The following LRRC37A2 variants were observed in gnomAD, a reference collection of about 807,000 sequenced individuals.
LRRC37A2 encodes leucine-rich repeat-containing protein 37A2.
LRRC37A2 carries 9 observed loss-of-function variants against 68.8 expected under a neutral mutation model. The ratio of observed to expected loss-of-function variants is 0.13; its 90% confidence interval spans 0.08 to 0.23. The LOEUF (loss-of-function observed/expected upper bound fraction) is 0.23, where lower values mean the gene tolerates loss of function less well. Ranked by LOEUF, LRRC37A2 falls within the 10% of genes least tolerant of loss-of-function variation. The probability of loss-of-function intolerance (pLI) is 1.00; values close to 1 mark genes in which losing one functional copy is unlikely to be tolerated. For missense variants in LRRC37A2, 168 were observed against 950.4 expected, an observed-to-expected ratio of 0.18 and a Z score of 10.82; for synonymous variants, 63 against 367.6, an observed-to-expected ratio of 0.17 and a Z score of 9.48.
the LRRC37A2 span, among the ~76,000 whole-genome samples, chr17:46,944,780 A>G: frequency 6.6e-6 from 1 of 151,954 alleles, no homozygotes; most frequent in Non-Finnish European, 1.5e-5. Context: ...TTGTATTTTT[A>G]GTAGAAACGG....
At chr17:46,493,070 C>T in the LRRC37A2 span, among the ~76,000 whole-genome samples, 38 of 144,252 alleles carry the variant, frequency 2.6e-4, no homozygotes, top group Non-Finnish European at 3.9e-4. Context: ...ATTTCCTTGT[C>T]CCTAATGACT....
the LRRC37A2 span, among the ~76,000 whole-genome samples, chr17:46,958,362 A>T: frequency 2.0e-5 from 3 of 152,256 alleles, no homozygotes; most frequent in South Asian, 6.2e-4. Flanking sequence ...TCCACTCCTG[A>T]CAGTTGCAAC....
At chr17:46,829,531 G>T in the LRRC37A2 span, among the ~76,000 whole-genome samples, 1 of 152,246 alleles carries the variant, frequency 6.6e-6, no homozygotes, top group Non-Finnish European at 1.5e-5. Flanking sequence ...TCTCCCCTCT[G>T]CCCTTCATTC....
the LRRC37A2 span, among the ~76,000 whole-genome samples, chr17:46,621,231 T>C: frequency 4.0e-5 from 6 of 150,272 alleles, no homozygotes; most frequent in African/African-American, 1.5e-4. Context: ...ATAGTTTACC[T>C]GTGAATGAAG....
chr17:46,852,888 T>G, the LRRC37A2 span, among the ~76,000 whole-genome samples: 52 of 152,220 alleles, frequency 3.4e-4, no homozygotes, highest in African/African-American at 7.5e-4. Context: ...TGTGGGCTAA[T>G]TTCCAGGTCA....
chr17:46,936,200 T>TA, the LRRC37A2 span: 2 of 985,512 alleles, frequency 2.0e-6, no homozygotes, highest in Non-Finnish European at 2.4e-6. Context: ...CCTGAACTGA[T>TA]ACATGTTGAT....
the LRRC37A2 span, among the ~76,000 whole-genome samples, chr17:46,777,943 A>G: frequency 6.6e-6 from 1 of 152,142 alleles, no homozygotes; most frequent in African/African-American, 2.4e-5. Context: ...CCTGGGAGCC[A>G]TGGTGCCAGG....
At chr17:46,534,220 G>A (rs1205982681) in intron 6 of LRRC37A2, among the ~76,000 whole-genome samples, 1 of 147,304 alleles carries the variant, frequency 6.8e-6, no homozygotes, top group East Asian at 2.0e-4. Context: ...TTTTTTTATT[G>A]ATCATTCTTG....
the LRRC37A2 span, among the ~76,000 whole-genome samples, chr17:46,890,713 C>A: frequency 6.6e-6 from 1 of 152,186 alleles, no homozygotes; most frequent in Non-Finnish European, 1.5e-5. Context: ...TTGTCACAAG[C>A]CTGCCTTCCA....
chr17:47,040,370 C>T, the LRRC37A2 span, among the ~76,000 whole-genome samples: 7 of 151,688 alleles, frequency 4.6e-5, no homozygotes, highest in Admixed American at 4.6e-4. Flanking sequence ...AGTGTTTGGG[C>T]CATACTTTGT....
At chr17:46,865,758 A>C in the LRRC37A2 span, among the ~76,000 whole-genome samples, 2 of 152,108 alleles carry the variant, frequency 1.3e-5, no homozygotes, top group Non-Finnish European at 2.9e-5. Flanking sequence ...GGCACGTGCC[A>C]CCATGCCCAG....
the LRRC37A2 span, among the ~76,000 whole-genome samples, chr17:46,739,942 C>T: frequency 1.3e-5 from 2 of 152,104 alleles, no homozygotes; most frequent in Admixed American, 6.5e-5. Flanking sequence ...TCAAGTGATC[C>T]GCCCTCCTCA....
chr17:47,020,147 G>A, the LRRC37A2 span, among the ~76,000 whole-genome samples: 1 of 150,954 alleles, frequency 6.6e-6, no homozygotes, highest in Non-Finnish European at 1.5e-5. Context: ...GTGGTTAAGA[G>A]TTGATTCCAG....
the LRRC37A2 span, chr17:46,755,771 G>A: frequency 6.8e-7 from 1 of 1,460,082 alleles, no homozygotes; most frequent in South Asian, 1.3e-5. Flanking sequence ...ACCCTCATCT[G>A]TTTTTTTGTG....
chr17:46,850,845 G>T, the LRRC37A2 span, among the ~76,000 whole-genome samples: 2 of 151,614 alleles, frequency 1.3e-5, no homozygotes, highest in Non-Finnish European at 2.9e-5. Context: ...CCCTCCTCCC[G>T]CAGGGCTCTG....
the LRRC37A2 span, among the ~76,000 whole-genome samples, chr17:46,910,638 A>G: frequency 2.6e-5 from 4 of 152,342 alleles, no homozygotes; most frequent in Admixed American, 2.6e-4. Context: ...ATACTCCAGC[A>G]AGGTGAATGC....
At chr17:46,923,136 G>T in the LRRC37A2 span, 1 of 1,203,946 alleles carries the variant, frequency 8.3e-7, no homozygotes, top group Non-Finnish European at 1.2e-6. Context: ...AAGGGGGGCT[G>T]TGAGGACGTG....
At chr17:46,722,759 G>A in the LRRC37A2 span, among the ~76,000 whole-genome samples, 2 of 152,174 alleles carry the variant, frequency 1.3e-5, no homozygotes, top group Admixed American at 6.5e-5. Flanking sequence ...AGAAGAAAAA[G>A]GGATGTGTGT....
chr17:46,873,255 C>T, the LRRC37A2 span, among the ~76,000 whole-genome samples: 2 of 152,054 alleles, frequency 1.3e-5, no homozygotes, highest in Non-Finnish European at 2.9e-5. Context: ...TCCATCGATC[C>T]ATCAGTCCCT....
Sources: allele counts gnomAD v4.1 joint callset (sites outside exome capture counted in the v4.1 genomes callset), GRCh38; gene constraint gnomAD v4.1.1; transcripts MANE v1.5; gene names NCBI Gene and HGNC (gene_info 2026-07-23, HGNC 2026-07-21).